The following CD82 variants were observed in gnomAD, a reference collection of about 807,000 sequenced individuals.
CD82 encodes CD82 molecule.
CD82 carries 36 observed loss-of-function variants against 37.4 expected under a neutral mutation model. The observed-to-expected ratio is 0.96, with a 90% confidence interval of 0.74 to 1.27. The LOEUF is 1.27. CD82 is among the 50% of genes most tolerant of loss of function. The pLI, the probability that CD82 is intolerant of heterozygous loss-of-function variation, is 0.00. For synonymous variants in CD82, 158 were observed against 137.4 expected (o/e 1.15, Z -1.05); for missense variants, 340 against 347.0 (o/e 0.98, Z 0.16).
intron 4 of CD82, among the ~76,000 whole-genome samples, chr11:44,603,939 C>T (rs1853351440): frequency 6.6e-6 from 1 of 152,308 alleles, no homozygotes; most frequent in Admixed American, 6.5e-5. Flanking sequence ...AACCAAGCTC[C>T]TCCTTCCTCA....
At chr11:44,564,874 C>T (rs1852704691), upstream of CD82, among the ~76,000 whole-genome samples, 2 of 152,236 alleles carry the variant, frequency 1.3e-5, no homozygotes, top group Non-Finnish European at 2.9e-5. Flanking sequence ...CTTCTCTGAG[C>T]CTTAAACTGC....
intron 6 of CD82, among the ~76,000 whole-genome samples, chr11:44,610,504 T>C (rs565039251): frequency 6.6e-6 from 1 of 152,374 alleles, no homozygotes; most frequent in African/African-American, 2.4e-5. Context: ...ACTCTGACTC[T>C]GTGAAAATTC....
At chr11:44,600,054 G>A (rs1397478600) in intron 3 of CD82, 104 bp from the exon 4 acceptor site, 1 of 1,108,964 alleles carries the variant, frequency 9.0e-7, no homozygotes, top group African/African-American at 1.5e-5. Context: ...GGTGCCCTCT[G>A]TGGCCCCCTG....
intron 4 of CD82, 28 bp downstream of exon 4, chr11:44,600,258 C>A (rs1388219879): frequency 6.2e-7 from 1 of 1,609,098 alleles, no homozygotes; most frequent in Non-Finnish European, 8.5e-7. Context: ...TCCCCAGACC[C>A]AGGCCCACTG....
chr11:44,610,432 A>G (rs1226154945), intron 6 of CD82, among the ~76,000 whole-genome samples: 3 of 152,260 alleles, frequency 2.0e-5, no homozygotes, highest in African/African-American at 7.2e-5. Context: ...GCATTTAAGC[A>G]GAGCCTAAAA....
intron 1 of CD82, among the ~76,000 whole-genome samples, chr11:44,580,122 G>A (rs893939330): frequency 2.6e-5 from 4 of 152,178 alleles, no homozygotes; most frequent in Admixed American, 2.6e-4. Context: ...TCTCACCTGG[G>A]CTGAGCTGCC....
chr11:44,568,001 A>G (rs1035175710), intron 1 of CD82, among the ~76,000 whole-genome samples: 1 of 152,212 alleles, frequency 6.6e-6, no homozygotes, highest in Non-Finnish European at 1.5e-5. Flanking sequence ...GTGTGGGGAT[A>G]TGCAGTGGGA....
At chr11:44,567,522 T>C (rs541023027) in intron 1 of CD82, among the ~76,000 whole-genome samples, 43 of 152,138 alleles carry the variant, frequency 2.8e-4, no homozygotes, top group Admixed American at 6.5e-4. Flanking sequence ...GGTCCTGGTT[T>C]GGCTTGGATC....
chr11:44,605,561 T>A, intron 6 of CD82, 132 bp downstream of exon 6: 1 of 772,612 alleles, frequency 1.3e-6, no homozygotes, highest in Non-Finnish European at 2.2e-6. Flanking sequence ...GACGGCCTCC[T>A]GGACACTATT....
chr11:44,569,929 T>G (rs1852791140), intron 1 of CD82, among the ~76,000 whole-genome samples: 1 of 152,190 alleles, frequency 6.6e-6, no homozygotes, highest in Admixed American at 6.5e-5. Flanking sequence ...GACAAAAAAG[T>G]GCACATGAAA....
At chr11:44,583,912 A>G (rs35969493) in intron 1 of CD82, among the ~76,000 whole-genome samples, 40,562 of 151,888 alleles carry the variant, frequency 0.27, 5,719 homozygotes, top group South Asian at 0.35. Flanking sequence ...CTCTCAGGAG[A>G]GAGGGAGCCT....
chr11:44,615,374 G>T lies in CD82; in HGVS notation c.438+1G>T, dbSNP rs1449221679. The T allele has an allele frequency of 1.9e-6, 3 of 1,598,952 alleles. No homozygotes were observed. The highest frequency in any genetic ancestry group is 2.6e-6 in the Non-Finnish European group (3 of 1,166,284). On this transcript the variant is annotated splice_donor_variant, in intron 7 of 9. Transcript: ENST00000227155. LOFTEE classifies it high-confidence loss of function. ...TGCCTGGGACTACGTGCAGGCTCAG[G>T]TGAGGTGGGGCGGGGCTGCAGGAGG...
intron 3 of CD82, among the ~76,000 whole-genome samples, chr11:44,599,571 A>G (rs1853276956): frequency 6.6e-6 from 1 of 152,252 alleles, no homozygotes; most frequent in South Asian, 2.1e-4. Context: ...CCCTGCCCTC[A>G]GGGAGCTCAC....
At position 44,597,702 on chromosome 11, in the gene CD82, T is replaced by C. The variant is rs575433195; in HGVS notation, c.64-2456T>C. The stretch of plus-strand genomic sequence containing the variant: ...CATTCCCTTTTGGTAGGGGCTGTCC[T>C]CCCTCCTGTCCCACCCTGTGAATGT... On this transcript the variant is annotated intron_variant, in intron 3 of 9. Coordinates refer to ENST00000227155, the MANE Select transcript of CD82 (RefSeq NM_002231.4). The surrounding 1 kb of genome is among the most constrained non-coding windows in gnomAD (Gnocchi z 4.1). Among the ~76,000 whole-genome samples the C allele has an allele frequency of 1.3e-3, 204 of 152,318 alleles. 1 individual carries two copies. The highest frequency in any genetic ancestry group is 4.7e-3 in the African/African-American group (196 of 41,570).
rs533032582 is a variant in CD82 at position 44,615,119 on chromosome 11, G to A, written c.337-153G>A. Among the ~76,000 whole-genome samples, 8 of 152,242 alleles carry A rather than the reference G, an allele frequency of 5.3e-5. No homozygotes were observed. The East Asian group carries it at 5.8e-4, about 11-fold the overall frequency. On this transcript the variant is annotated intron_variant, in intron 6 of 9. Coordinates refer to ENST00000227155, the MANE Select transcript of CD82 (RefSeq NM_002231.4). ...AGGAGTGGTTGGCACTGCCTGCATC[G>A]GGCACCCTGGGAGCGCCAGGAAAGT...
chr11:44,605,426 C>T lies in CD82; in HGVS notation c.333C>T (p.Gly111=). 1.2e-6 allele frequency: 2 copies of T among 1,613,956 alleles called. No individual in the cohort carries two copies. Among genetic ancestry groups the T allele is most frequent in the South Asian group, 2.2e-5 (2 of 91,078 alleles). ...TAGALFYFNM[G]KLKQEMGGIV... is the part of the protein sequence containing the mutation. The stretch of plus-strand genomic sequence containing the variant: ...GGGCCCTCTTCTACTTCAACATGGG[C>T]AAGGTAAGCCCCTCTCTCCCTCCCT... Residue 111 remains glycine (G), a synonymous_variant, in exon 6 of 10, where the codon GGC becomes GGT. Coordinates refer to ENST00000227155, the MANE Select transcript of CD82 (RefSeq NM_002231.4).
At chr11:44,583,636 T>G (rs1220068120) in intron 1 of CD82, among the ~76,000 whole-genome samples, 1 of 152,204 alleles carries the variant, frequency 6.6e-6, no homozygotes, top group Non-Finnish European at 1.5e-5. Flanking sequence ...CTTTCAGCTC[T>G]CTAAAATCAG....
At chr11:44,603,717 T>C (rs1853347940) in intron 4 of CD82, among the ~76,000 whole-genome samples, 1 of 152,186 alleles carries the variant, frequency 6.6e-6, no homozygotes, top group Admixed American at 6.5e-5. Flanking sequence ...AGCTTTACCC[T>C]GTGTGATGGG....
chr11:44,607,137 G>A (rs1853410107), intron 6 of CD82, among the ~76,000 whole-genome samples: 1 of 152,262 alleles, frequency 6.6e-6, no homozygotes, highest in Non-Finnish European at 1.5e-5. Flanking sequence ...TGAAGGTCAA[G>A]TTGCCTGAGA....
Sources: allele counts gnomAD v4.1 joint callset (sites outside exome capture counted in the v4.1 genomes callset), GRCh38; gene constraint gnomAD v4.1.1; non-coding constraint Gnocchi (gnomAD v3.1); transcripts MANE v1.5; gene names NCBI Gene and HGNC (gene_info 2026-07-23, HGNC 2026-07-21).